Variants in EPHA6 observed in about 807,000 individuals in gnomAD.
EPHA6 encodes ephrin type-A receptor 6.
Under a neutral mutation model 112.0 loss-of-function variants are expected in EPHA6, and 50 were observed. That is an observed-to-expected ratio of 0.45 (90% CI 0.36 to 0.56). The LOEUF (loss-of-function observed/expected upper bound fraction) is 0.56. EPHA6 is among the 20% of genes least tolerant of loss of function. The probability of loss-of-function intolerance (pLI) is 0.00; values close to 1 mark genes in which losing one functional copy is unlikely to be tolerated. For synonymous variants in EPHA6, 529 were observed against 490.7 expected, an observed-to-expected ratio of 1.08 and a Z score of -1.03; for missense variants, 1,280 against 1,417.4, an observed-to-expected ratio of 0.90 and a Z score of 1.56.
chr3:97,743,542 T>A (rs550510094), intron 16 of EPHA6, among the ~76,000 whole-genome samples: 1 of 152,174 alleles, frequency 6.6e-6, no homozygotes, highest in South Asian at 2.1e-4. Flanking sequence ...TTATTAAGCA[T>A]CCACATATAG....
chr3:96,963,368 CA>C (rs2042013738), intron 2 of EPHA6, among the ~76,000 whole-genome samples: 2 of 152,220 alleles, frequency 1.3e-5, no homozygotes, highest in South Asian at 4.1e-4. Context: ...CCCTCATGCA[CA>C]AATTTAATCC....
At chr3:97,324,284 C>G (rs2082258972) in intron 5 of EPHA6, among the ~76,000 whole-genome samples, 1 of 152,004 alleles carries the variant, frequency 6.6e-6, no homozygotes. Flanking sequence ...GAGCTCCCTT[C>G]CTCTGAATAC....
intron 1 of EPHA6, among the ~76,000 whole-genome samples, chr3:96,819,071 T>C (rs979395676): frequency 3.3e-5 from 5 of 151,992 alleles, no homozygotes; most frequent in Non-Finnish European, 7.4e-5. Flanking sequence ...GATAATACTA[T>C]ATCTAAAAGA....
chr3:97,190,121 A>T (rs1471367375), intron 3 of EPHA6, among the ~76,000 whole-genome samples: 3 of 152,234 alleles, frequency 2.0e-5, no homozygotes, highest in African/African-American at 7.2e-5. Context: ...GGGTAATCCA[A>T]ATATCCATAG....
intron 14 of EPHA6, among the ~76,000 whole-genome samples, chr3:97,664,786 G>A: frequency 6.6e-6 from 1 of 152,106 alleles, no homozygotes. Flanking sequence ...ACCTCTTCAA[G>A]GAGAACTACA....
At chr3:97,106,412 T>C (rs2047570307) in intron 3 of EPHA6, among the ~76,000 whole-genome samples, 1 of 152,086 alleles carries the variant, frequency 6.6e-6, no homozygotes, top group Middle Eastern at 3.2e-3. Flanking sequence ...AATTTTATTA[T>C]AATATCTCCA....
chr3:97,522,746 T>C (rs1361329897), intron 10 of EPHA6, among the ~76,000 whole-genome samples: 4 of 152,160 alleles, frequency 2.6e-5, no homozygotes, highest in Admixed American at 2.0e-4. Context: ...TTTTCTTTTA[T>C]TTTTCTTAAC....
chr3:96,859,378 G>T (rs962478330), intron 1 of EPHA6, among the ~76,000 whole-genome samples: 4 of 143,880 alleles, frequency 2.8e-5, no homozygotes, highest in African/African-American at 1.1e-4. Flanking sequence ...CTCTGATAAT[G>T]GTTAATTTTT....
At chr3:97,179,115 A>G (rs1483481920) in intron 3 of EPHA6, among the ~76,000 whole-genome samples, 1 of 151,972 alleles carries the variant, frequency 6.6e-6, no homozygotes, top group East Asian at 1.9e-4. Context: ...CCTGTCTCCA[A>G]GCTCACTAAT....
At chr3:97,304,083 C>T (rs1376319771) in intron 5 of EPHA6, among the ~76,000 whole-genome samples, 4 of 151,944 alleles carry the variant, frequency 2.6e-5, no homozygotes, top group Non-Finnish European at 5.9e-5. Flanking sequence ...GATTTTTCCA[C>T]ATTGATTTTG....
intron 5 of EPHA6, among the ~76,000 whole-genome samples, chr3:97,369,057 CAT>C (rs1158828621): frequency 6.6e-6 from 1 of 152,078 alleles, no homozygotes; most frequent in Non-Finnish European, 1.5e-5. Context: ...CGAGAAGAAA[CAT>C]GTGCAATGTC....
intron 14 of EPHA6, among the ~76,000 whole-genome samples, chr3:97,664,768 T>C (rs2094194093): frequency 6.6e-6 from 1 of 152,092 alleles, no homozygotes. Context: ...TTACAAGGGA[T>C]GTGAAGGACC....
intron 5 of EPHA6, among the ~76,000 whole-genome samples, chr3:97,354,402 C>A (rs1040629777): frequency 6.6e-6 from 1 of 151,956 alleles, no homozygotes; most frequent in African/African-American, 2.4e-5. Context: ...AATTCAAAAT[C>A]CTGTGAGATG....
At chr3:97,049,496 C>T (rs189729605) in intron 3 of EPHA6, among the ~76,000 whole-genome samples, 5 of 152,250 alleles carry the variant, frequency 3.3e-5, no homozygotes, top group African/African-American at 1.2e-4. Context: ...GTGCAGATAG[C>T]GCAGATAGAG....
Position 97,757,300 on chromosome 3 carries a change from C to T in EPHA6, c.*8599C>T, listed in dbSNP as rs1336159394. On this transcript the variant is annotated 3_prime_UTR_variant, in exon 18 of 18. Coordinates refer to ENST00000389672, the MANE Select transcript of EPHA6 (RefSeq NM_001080448.3). ...TGGGAATCTCTAATATAAATGAGTA[C>T]ACTAATAGTTGTTAAAATATGTATT... 6.6e-6 allele frequency among the ~76,000 whole-genome samples: 1 copy of T among 151,724 alleles called. No individual in the cohort carries two copies. Among genetic ancestry groups the T allele is most frequent in the Non-Finnish European group, 1.5e-5 (1 of 67,746 alleles).
intron 2 of EPHA6, among the ~76,000 whole-genome samples, chr3:96,978,595 C>A (rs115377255): frequency 0.013 from 1,991 of 151,900 alleles, 43 homozygotes; most frequent in African/African-American, 0.043. Flanking sequence ...ATGAAATTTA[C>A]CAATTATGTC....
chr3:96,954,420 C>T (rs1350726441), intron 2 of EPHA6, among the ~76,000 whole-genome samples: 1 of 152,200 alleles, frequency 6.6e-6, no homozygotes, highest in Non-Finnish European at 1.5e-5. Flanking sequence ...GCCCTTGTCA[C>T]ACTGGCCCCT....
At chr3:97,082,865 T>C (rs1264801799) in intron 3 of EPHA6, among the ~76,000 whole-genome samples, 1 of 151,984 alleles carries the variant, frequency 6.6e-6, no homozygotes, top group African/African-American at 2.4e-5. Flanking sequence ...TTTCTTACTT[T>C]TTAAAATGTA....
rs1553676285 is a variant in EPHA6, at chr3:97,716,284, A to ACCCAGG, written c.2785-3977_2785-3976insCCCAGG. ...TCAATTAAAAAAGGAAAAAGAAAAGATGGGCCGGGCGCGGTGGCTCACGCC... is the reference window on the plus strand; with the variant it reads ...TCAATTAAAAAAGGAAAAAGAAAAGACCCAGGTGGGCCGGGCGCGGTGGCTCACGCC... On this transcript the variant is annotated intron_variant, in intron 14 of 17. Coordinates refer to ENST00000389672, the MANE Select transcript of EPHA6 (RefSeq NM_001080448.3). 2.0e-3 allele frequency among the ~76,000 whole-genome samples: 297 copies of ACCCAGG among 147,996 alleles called. 15 individuals are homozygous for ACCCAGG. The highest frequency in any genetic ancestry group is 6.7e-3 in the African/African-American group (251 of 37,468).
Sources: gnomAD v4.1 joint callset for allele counts (sites outside exome capture counted in the v4.1 genomes callset) on GRCh38, gnomAD v4.1.1 for gene constraint, MANE v1.5 for transcripts, NCBI Gene and HGNC (gene_info 2026-07-23, HGNC 2026-07-21) for gene names.